Variants in GABRB1 observed in about 807,000 individuals in gnomAD.
GABRB1 encodes gamma-aminobutyric acid receptor subunit beta-1.
In GABRB1, 17 loss-of-function variants were observed where a neutral mutation model predicts 51.6. The observed-to-expected ratio is 0.33, with a 90% CI of 0.23 to 0.49. The LOEUF (loss-of-function observed/expected upper bound fraction) is 0.49. Among genes scored for constraint, GABRB1 ranks in the 20% least tolerant of loss-of-function variants. GABRB1 has a pLI of 0.99. For synonymous variants in GABRB1, 247 were observed against 218.9 expected (o/e 1.13, Z -1.14); for missense variants, 410 against 600.6 (o/e 0.68, Z 3.32).
At chr4:47,000,955 T>C (rs1724159767) in intron 1 of GABRB1, among the ~76,000 whole-genome samples, 1 of 152,146 alleles carries the variant, frequency 6.6e-6, no homozygotes, top group African/African-American at 2.4e-5. Context: ...AGAGATATGA[T>C]TCATTTGATG....
At chr4:47,269,540 T>C (rs756652998) in intron 4 of GABRB1, among the ~76,000 whole-genome samples, 42 of 152,112 alleles carry the variant, frequency 2.8e-4, no homozygotes, top group Non-Finnish European at 4.6e-4. Flanking sequence ...TAGGTTTTTG[T>C]CAACATCCAA....
intron 3 of GABRB1, among the ~76,000 whole-genome samples, chr4:47,135,213 T>C (rs1181666479): frequency 6.6e-6 from 1 of 152,156 alleles, no homozygotes; most frequent in Non-Finnish European, 1.5e-5. Flanking sequence ...TTAATGATAA[T>C]GGTGAGATGC....
chr4:47,000,189 T>TA (rs1724136131), intron 1 of GABRB1, among the ~76,000 whole-genome samples: 1 of 152,042 alleles, frequency 6.6e-6, no homozygotes, highest in Non-Finnish European at 1.5e-5. Context: ...ATTTAAAACT[T>TA]AAAAAAACCA....
chr4:47,000,696 C>G (rs1056653796), intron 1 of GABRB1, among the ~76,000 whole-genome samples: 1 of 152,320 alleles, frequency 6.6e-6, no homozygotes, highest in African/African-American at 2.4e-5. Flanking sequence ...CTGGAGATCT[C>G]TCTTCCCCCA....
At chr4:47,093,096 C>T (rs1714188595) in intron 3 of GABRB1, among the ~76,000 whole-genome samples, 1 of 152,304 alleles carries the variant, frequency 6.6e-6, no homozygotes, top group South Asian at 2.1e-4. Context: ...AATTCACATA[C>T]AGAAATTTCT....
At chr4:47,245,395 A>T (rs919111470) in intron 4 of GABRB1, among the ~76,000 whole-genome samples, 2 of 152,174 alleles carry the variant, frequency 1.3e-5, no homozygotes, top group African/African-American at 2.4e-5. Flanking sequence ...AGAGTAGGGG[A>T]TACCAATGTT....
intron 4 of GABRB1, among the ~76,000 whole-genome samples, chr4:47,191,132 CA>C (rs1719426201): frequency 6.6e-6 from 1 of 152,050 alleles, no homozygotes; most frequent in African/African-American, 2.4e-5. Context: ...ATCAGCAGAT[CA>C]GAGAATCAGC....
chr4:47,182,818 T>G (rs1237879779), intron 4 of GABRB1, among the ~76,000 whole-genome samples: 3 of 151,896 alleles, frequency 2.0e-5, no homozygotes, highest in African/African-American at 7.2e-5. Context: ...CAGAGAAAAC[T>G]CTAACAGTTC....
At chr4:47,395,457 T>A (rs1161996716) in intron 5 of GABRB1, among the ~76,000 whole-genome samples, 4 of 152,166 alleles carry the variant, frequency 2.6e-5, no homozygotes, top group African/African-American at 9.6e-5. Context: ...TCCAATCACC[T>A]CTCACCAGGC....
intron 3 of GABRB1, among the ~76,000 whole-genome samples, chr4:47,068,595 G>A (rs141815227): frequency 3.3e-5 from 5 of 152,310 alleles, no homozygotes; most frequent in Admixed American, 6.5e-5. Flanking sequence ...AGGGCAAGAT[G>A]AGGAAACAGC....
chr4:47,019,850 C>T (rs1724872325), intron 1 of GABRB1, among the ~76,000 whole-genome samples: 1 of 147,060 alleles, frequency 6.8e-6, no homozygotes, highest in African/African-American at 2.6e-5. Context: ...GGAAAACAGG[C>T]ACATGCCACC....
At chr4:47,095,479 G>A (rs925765960) in intron 3 of GABRB1, among the ~76,000 whole-genome samples, 14 of 152,160 alleles carry the variant, frequency 9.2e-5, no homozygotes, top group Non-Finnish European at 1.8e-4. Flanking sequence ...GAACTTACCC[G>A]GCACATGCAG....
intron 5 of GABRB1, among the ~76,000 whole-genome samples, chr4:47,383,914 A>G (rs1727681628): frequency 6.6e-6 from 1 of 152,166 alleles, no homozygotes; most frequent in Non-Finnish European, 1.5e-5. Flanking sequence ...CCTTGTGAGA[A>G]TCAGTGATCC....
chr4:47,197,364 C>G (rs573275426), intron 4 of GABRB1, among the ~76,000 whole-genome samples: 1 of 152,272 alleles, frequency 6.6e-6, no homozygotes, highest in African/African-American at 2.4e-5. Context: ...TCTGATCCCT[C>G]CCACTCTGCC....
intron 3 of GABRB1, among the ~76,000 whole-genome samples, chr4:47,145,529 G>A (rs1363952594): frequency 6.6e-6 from 1 of 152,006 alleles, no homozygotes. Context: ...TATCGCCCCA[G>A]AAAGAAAATG....
intron 4 of GABRB1, among the ~76,000 whole-genome samples, chr4:47,246,104 T>C (rs1359646973): frequency 1.3e-5 from 2 of 149,584 alleles, no homozygotes; most frequent in African/African-American, 2.5e-5. Flanking sequence ...GTCCATTGTA[T>C]CATTCTTATG....
intron 4 of GABRB1, among the ~76,000 whole-genome samples, chr4:47,232,752 C>T (rs964392789): frequency 2.6e-5 from 4 of 152,132 alleles, no homozygotes; most frequent in Non-Finnish European, 5.9e-5. Context: ...CTTATTCTGC[C>T]TCACATAGTT....
upstream of GABRB1, chr4:47,031,552 C>T: frequency 3.1e-6 from 3 of 953,304 alleles, no homozygotes; most frequent in Admixed American, 1.8e-5. Flanking sequence ...GCGCGCTCTG[C>T]GCATGCGCAG....
At chr4:47,183,780 T>G (rs770894153) in intron 4 of GABRB1, among the ~76,000 whole-genome samples, 1 of 151,906 alleles carries the variant, frequency 6.6e-6, no homozygotes, top group Non-Finnish European at 1.5e-5. Flanking sequence ...GTTTTGCTTT[T>G]CGGTTCTATT....
Sources: allele counts gnomAD v4.1 joint callset (sites outside exome capture counted in the v4.1 genomes callset), GRCh38; gene constraint gnomAD v4.1.1; transcripts MANE v1.5; gene names NCBI Gene and HGNC (gene_info 2026-07-23, HGNC 2026-07-21).